The following ETV5 variants were observed in gnomAD, a reference collection of about 807,000 sequenced individuals.
ETV5 encodes ETS translocation variant 5.
A neutral mutation model predicts 70.0 loss-of-function variants in ETV5; 10 were observed. The ratio of observed to expected loss-of-function variants is 0.14; its 90% CI spans 0.09 to 0.24. The LOEUF is 0.24. ETV5 is among the 10% of genes least tolerant of loss of function. The pLI, the probability that ETV5 is intolerant of heterozygous loss-of-function variation, is 1.00. For synonymous variants in ETV5, 216 were observed against 242.2 expected, an observed-to-expected ratio of 0.89 and a Z score of 1.01; for missense variants, 453 against 651.2, an observed-to-expected ratio of 0.70 and a Z score of 3.31.
At chr3:186,085,833 C>G (rs904491470) in intron 5 of ETV5, among the ~76,000 whole-genome samples, 5 of 152,076 alleles carry the variant, frequency 3.3e-5, no homozygotes, top group African/African-American at 1.2e-4. Flanking sequence ...GTAATCCTTG[C>G]CTCCCATTCT....
chr3:186,047,291 AT>A lies in ETV5; in HGVS notation c.*1347del, dbSNP rs1163309365. On this transcript the variant is annotated 3_prime_UTR_variant, in exon 13 of 13. Coordinates refer to ENST00000306376, the MANE Select transcript of ETV5 (RefSeq NM_004454.3). ...AATTTCTTTTTAAAAAAAGGCAGGAATCTAGAATGCTAGCACTGTTGCTTAC... is the reference window on the plus strand; with the variant it reads ...AATTTCTTTTTAAAAAAAGGCAGGAACTAGAATGCTAGCACTGTTGCTTAC... 4 of 229,868 alleles carry A rather than the reference AT, an allele frequency of 1.7e-5. No homozygotes were observed. The highest frequency in any genetic ancestry group is 8.9e-5 in the African/African-American group (4 of 45,108). The allele number at this position is 229,868 out of a possible 1,614,324, so 14.2% of individuals were successfully genotyped here. A position where few individuals can be genotyped will look rare whatever the true frequency, so the allele number is the denominator to read the frequency against.
intron 5 of ETV5, among the ~76,000 whole-genome samples, chr3:186,098,572 A>T (rs1206861204): frequency 6.6e-6 from 1 of 152,204 alleles, no homozygotes; most frequent in Non-Finnish European, 1.5e-5. Context: ...ATCAAAAGGG[A>T]AGAATGTGGA....
Position 186,057,880 on chromosome 3 carries a change from C to T in ETV5, c.971-389G>A, listed in dbSNP as rs1054056700. ...GGATTTGGTTGATCTGTACACAGACCTGCCATTTTCCTTTTAGCTAAAATT... is the reference window on the plus strand; with the variant it reads ...GGATTTGGTTGATCTGTACACAGACTTGCCATTTTCCTTTTAGCTAAAATT... On this transcript the variant is annotated intron_variant, in intron 9 of 12. Coordinates refer to ENST00000306376, the MANE Select transcript of ETV5 (RefSeq NM_004454.3). This position sits in a 1 kb window ranked among gnomAD's most constrained non-coding sequence, Gnocchi z 4.9. Among the ~76,000 whole-genome samples the T allele has an allele frequency of 6.6e-6, 1 of 152,218 alleles. No homozygotes were observed. The highest frequency in any genetic ancestry group is 1.5e-5 in the Non-Finnish European group (1 of 68,046).
At chr3:186,077,710 C>T (rs1285090662) in intron 7 of ETV5, among the ~76,000 whole-genome samples, 1 of 152,158 alleles carries the variant, frequency 6.6e-6, no homozygotes, top group African/African-American at 2.4e-5. Flanking sequence ...ATTGAAAATC[C>T]CCGCTCCACA....
At chr3:186,064,135 G>A in intron 9 of ETV5, 2 of 449,628 alleles carry the variant, frequency 4.4e-6, no homozygotes, top group Non-Finnish European at 4.0e-6. Context: ...TGGGGTCATT[G>A]CTAATGAAAA....
chr3:186,077,011 C>T (rs184030075), intron 7 of ETV5, among the ~76,000 whole-genome samples: 8 of 152,254 alleles, frequency 5.3e-5, no homozygotes, highest in Non-Finnish European at 8.8e-5. Flanking sequence ...AAACAAATGG[C>T]GTAATTACAC....
chr3:186,074,476 G>T (rs1030474596), intron 7 of ETV5, among the ~76,000 whole-genome samples: 5 of 152,220 alleles, frequency 3.3e-5, no homozygotes, highest in Middle Eastern at 3.4e-3. Flanking sequence ...CATTTGATGA[G>T]TATAACCTTA....
intron 11 of ETV5, among the ~76,000 whole-genome samples, chr3:186,053,950 A>G (rs1053409240): frequency 6.6e-6 from 1 of 152,230 alleles, no homozygotes; most frequent in African/African-American, 2.4e-5. Flanking sequence ...CAGCCTCATC[A>G]TTTTACTATG....
Position 186,054,177 on chromosome 3 carries a change from G to A in ETV5, c.1210-2046C>T, listed in dbSNP as rs556385431. Among the ~76,000 whole-genome samples the A allele has an allele frequency of 8.5e-5, 13 of 152,340 alleles. No homozygotes were observed. The South Asian group carries it at 1.2e-3, about 15-fold the overall frequency. Reference sequence around the variant, plus strand: ...CTGTTCCTTCTACAGTAATGCATGAGGCGGCTCAGCTCCAGAGCAGCTGGG... The same window carrying A: ...CTGTTCCTTCTACAGTAATGCATGAAGCGGCTCAGCTCCAGAGCAGCTGGG... On this transcript the variant is annotated intron_variant, in intron 11 of 12. Transcript: ENST00000306376. This position sits in a 1 kb window ranked among gnomAD's most constrained non-coding sequence, Gnocchi z 4.4.
rs761626996 is a variant in ETV5 at position 186,048,816 on chromosome 3, A to C, written c.1356T>G (p.Asp452Glu). 6.2e-7 allele frequency: 1 copy of C among 1,613,992 alleles called. No homozygotes were observed. Among genetic ancestry groups the C allele is most frequent in the African/African-American group, 1.3e-5 (1 of 74,908 alleles). ...RYVYKFVCDPDALFSMAFPDN... is the reference protein window; with the variant it reads ...RYVYKFVCDPEALFSMAFPDN... The stretch of plus-strand genomic sequence containing the variant: ...CCGGGAAAGCCATGGAGAAGAGGGC[A>C]TCTGGGTCACAGACAAATTTGTAGA... Residue 452 changes from aspartate to glutamate, a missense_variant, in exon 13 of 13, where the codon GAT (aspartate) becomes GAG (glutamate). Physicochemically the swap from Asp to Glu is conservative, Grantham distance 45 (BLOSUM62 2). Transcript: ENST00000306376.
chr3:186,106,997 A>G (rs1714603898), intron 1 of ETV5: 1 of 973,552 alleles, frequency 1.0e-6, no homozygotes, highest in African/African-American at 1.8e-5. Context: ...TTTGTTTGAC[A>G]TATACACAAT....
chr3:186,069,854 T>A (rs1044758547), intron 7 of ETV5, among the ~76,000 whole-genome samples: 1 of 152,198 alleles, frequency 6.6e-6, no homozygotes, highest in African/African-American at 2.4e-5. Context: ...TTGTCCAGAT[T>A]GGAGTGCAGT....
At chr3:186,053,636 G>A (rs377187259) in intron 11 of ETV5, among the ~76,000 whole-genome samples, 1 of 152,126 alleles carries the variant, frequency 6.6e-6, no homozygotes, top group Admixed American at 6.5e-5. Flanking sequence ...CCCTGTGAAA[G>A]TCCAATTTCC....
At chr3:186,103,463 CAA>C (rs936967840) in intron 5 of ETV5, among the ~76,000 whole-genome samples, 1 of 152,186 alleles carries the variant, frequency 6.6e-6, no homozygotes, top group Non-Finnish European at 1.5e-5. Context: ...GAGAAACAAA[CAA>C]AAGTGTCATA....
intron 9 of ETV5, among the ~76,000 whole-genome samples, chr3:186,060,128 C>T (rs138085447): frequency 2.0e-5 from 3 of 152,088 alleles, no homozygotes; most frequent in Non-Finnish European, 4.4e-5. Context: ...TCATTACAAG[C>T]GAACTACTTC....
chr3:186,105,302 T>TA lies in ETV5; in HGVS notation c.232+2dup. 6.2e-7 allele frequency: 1 copy of TA among 1,611,170 alleles called. No individual in the cohort carries two copies. The highest frequency in any genetic ancestry group is 8.5e-7 in the Non-Finnish European group (1 of 1,179,236). On this transcript the variant is annotated splice_region_variant and intron_variant, in intron 5 of 12. Transcript: ENST00000306376. This position sits in a 1 kb window ranked among gnomAD's most constrained non-coding sequence, Gnocchi z 4.5. ...AATGTGCCATCACCAGAAAGGTACT[T>TA]ACGGTTATCAGACTGAAAATCTGGG... is the stretch of plus-strand genomic sequence containing the variant.
chr3:186,087,664 T>G (rs1714089441), intron 5 of ETV5, among the ~76,000 whole-genome samples: 1 of 152,122 alleles, frequency 6.6e-6, no homozygotes, highest in Admixed American at 6.5e-5. Context: ...AAATAATAAT[T>G]CCCTCTGCTG....
At chr3:186,108,160 GACCAGGA>G (rs1320898759) in intron 1 of ETV5, among the ~76,000 whole-genome samples, 1 of 86,348 alleles carries the variant, frequency 1.2e-5, no homozygotes, top group East Asian at 2.8e-4. Flanking sequence ...CCCCCTCGTC[GACCAGGA>G]GTTCGGTTCC....
rs994248955 is a variant in ETV5, at chr3:186,054,739, C to A, written c.1209+2336G>T. Among the ~76,000 whole-genome samples, 45 of 152,246 alleles carry A rather than the reference C, an allele frequency of 3.0e-4. 1 individual carries two copies. Among genetic ancestry groups the A allele is most frequent in the African/African-American group, 1.0e-3 (43 of 41,540 alleles). On this transcript the variant is annotated intron_variant, in intron 11 of 12. Transcript: ENST00000306376. The surrounding 1 kb of genome is among the most constrained non-coding windows in gnomAD (Gnocchi z 4.4). ...CAAGCTCCCCCATGACGACTTCTTACAGCTTTTTCCAGAAGCTGGTATCTT... is the reference window on the plus strand; with the variant it reads ...CAAGCTCCCCCATGACGACTTCTTAAAGCTTTTTCCAGAAGCTGGTATCTT...
Sources: allele counts gnomAD v4.1 joint callset (sites outside exome capture counted in the v4.1 genomes callset), GRCh38; gene constraint gnomAD v4.1.1; non-coding constraint Gnocchi (gnomAD v3.1); transcripts MANE v1.5; gene names NCBI Gene and HGNC (gene_info 2026-07-23, HGNC 2026-07-21).